GLI3: variants seen among roughly 807,000 people sequenced by gnomAD.
The protein encoded by GLI3 is GLI family zinc finger 3.
Under a neutral mutation model 100.8 loss-of-function variants are expected in GLI3, and 20 were observed. That is an observed-to-expected ratio of 0.20 (90% confidence interval 0.14 to 0.29). The LOEUF is 0.29. Ranked by LOEUF, GLI3 falls within the 10% of genes least tolerant of loss-of-function variation. The pLI is 1.00. For synonymous variants in GLI3, 938 were observed against 860.5 expected (o/e 1.09, Z -1.58); for missense variants, 2,040 against 2,128.5 (o/e 0.96, Z 0.82).
intron 2 of GLI3, among the ~76,000 whole-genome samples, chr7:42,202,792 G>C (rs1335866876): frequency 6.6e-6 from 1 of 152,164 alleles, no homozygotes; most frequent in Admixed American, 6.5e-5. Flanking sequence ...AATGGACGGG[G>C]GTCCCACTGA....
intron 1 of GLI3, among the ~76,000 whole-genome samples, chr7:42,258,134 A>G (rs1289118018): frequency 6.6e-6 from 1 of 152,192 alleles, no homozygotes; most frequent in Non-Finnish European, 1.5e-5. Flanking sequence ...CTCTCCAACT[A>G]GACTGCAAGC....
chr7:42,163,204 C>T (rs185308873), intron 2 of GLI3, among the ~76,000 whole-genome samples: 59 of 152,030 alleles, frequency 3.9e-4, no homozygotes, highest in Non-Finnish European at 3.1e-4. Flanking sequence ...ATACACCTGC[C>T]TTTCTTTGCC....
rs1021079269 is a variant in GLI3, at chr7:41,962,632, T to C, written c.*1698A>G. On this transcript the variant is annotated 3_prime_UTR_variant, in exon 15 of 15. Transcript: ENST00000395925. The stretch of plus-strand genomic sequence containing the variant: ...CAAAGTCCCCAGTGGCAAATCAACC[T>C]CCATGCGGAGATTCTTGGTCCAAAT... 3.9e-5 allele frequency: 6 copies of C among 152,162 alleles called. No homozygotes were observed. Among genetic ancestry groups the C allele is most frequent in the African/African-American group, 1.2e-4 (5 of 41,424 alleles). 9.4% of individuals were successfully genotyped at this position (152,162 alleles called of 1,614,324 possible). A position where few individuals can be genotyped will look rare whatever the true frequency, so the allele number is the denominator to read the frequency against.
chr7:42,050,144 A>G (rs966436180), intron 4 of GLI3, among the ~76,000 whole-genome samples: 3 of 152,088 alleles, frequency 2.0e-5, no homozygotes, highest in Non-Finnish European at 2.9e-5. Context: ...GGATTTTCTC[A>G]CTTTCTCCTT....
At chr7:42,148,149 A>G (rs1786765103) in intron 3 of GLI3, 77 bp downstream of exon 3, 2 of 1,342,440 alleles carry the variant, frequency 1.5e-6, no homozygotes, top group Non-Finnish European at 2.0e-6. Flanking sequence ...ACACACACAC[A>G]CACACACACA....
intron 3 of GLI3, among the ~76,000 whole-genome samples, chr7:42,129,617 T>A (rs1338953571): frequency 6.6e-6 from 1 of 152,088 alleles, no homozygotes; most frequent in Non-Finnish European, 1.5e-5. Flanking sequence ...AAGACCAGCC[T>A]GGCCAAGATG....
chr7:41,964,288 TC>T lies in GLI3; in HGVS notation c.*41del, dbSNP rs753983018. 3.8e-6 allele frequency: 6 copies of T among 1,581,038 alleles called. No homozygotes were observed. The highest frequency in any genetic ancestry group is 5.2e-6 in the Non-Finnish European group (6 of 1,150,626). On this transcript the variant is annotated 3_prime_UTR_variant, in exon 15 of 15. Transcript: ENST00000395925. Reference sequence around the variant, plus strand: ...ACAAAGTCAGTTTAATCTCTTCAACTCCTATTGATTTCCGTTGGTTGCAGTC... The same window carrying T: ...ACAAAGTCAGTTTAATCTCTTCAACTCTATTGATTTCCGTTGGTTGCAGTC...
At chr7:42,181,413 C>T (rs546640135) in intron 2 of GLI3, among the ~76,000 whole-genome samples, 1 of 151,938 alleles carries the variant, frequency 6.6e-6, no homozygotes, top group East Asian at 1.9e-4. Context: ...CCAGCTTGGG[C>T]AACATGATGA....
chr7:41,979,586 G>A (rs1024429302), intron 10 of GLI3, among the ~76,000 whole-genome samples: 1 of 152,192 alleles, frequency 6.6e-6, no homozygotes, highest in Non-Finnish European at 1.5e-5. Flanking sequence ...TGCAGCATGA[G>A]AGGAAGAGAA....
chr7:41,979,299 A>G (rs1453358862), intron 10 of GLI3, among the ~76,000 whole-genome samples: 2 of 152,200 alleles, frequency 1.3e-5, no homozygotes, highest in African/African-American at 2.4e-5. Flanking sequence ...GGTTAATCAG[A>G]CTGCTTCCTG....
chr7:42,211,111 T>C (rs775586013), intron 2 of GLI3, among the ~76,000 whole-genome samples: 1 of 152,172 alleles, frequency 6.6e-6, no homozygotes, highest in Non-Finnish European at 1.5e-5. Context: ...TCTAATTTTG[T>C]ACGAAACTGA....
chr7:42,256,604 A>G (rs187608010), intron 1 of GLI3, among the ~76,000 whole-genome samples: 23 of 152,264 alleles, frequency 1.5e-4, no homozygotes, highest in Non-Finnish European at 2.9e-4. Context: ...ACACAAGGAT[A>G]TATTTCTGGA....
chr7:41,990,267 A>C (rs1787946778), intron 10 of GLI3, among the ~76,000 whole-genome samples: 1 of 152,158 alleles, frequency 6.6e-6, no homozygotes, highest in South Asian at 2.1e-4. Flanking sequence ...AGTATCTAGA[A>C]GTACACAGAA....
At chr7:42,021,471 G>C (rs564646592) in intron 10 of GLI3, among the ~76,000 whole-genome samples, 1 of 152,224 alleles carries the variant, frequency 6.6e-6, no homozygotes, top group Admixed American at 6.5e-5. Flanking sequence ...AAAACATCGA[G>C]ACCATCGGCC....
chr7:42,205,878 T>C (rs1028649876), intron 2 of GLI3, among the ~76,000 whole-genome samples: 1 of 152,156 alleles, frequency 6.6e-6, no homozygotes, highest in East Asian at 1.9e-4. Flanking sequence ...GAGAGTAACC[T>C]TGTGAGAATG....
chr7:42,118,031 C>T lies in GLI3; in HGVS notation c.367+30195G>A, dbSNP rs536069577. Among the ~76,000 whole-genome samples, 5 of 152,282 alleles carry T rather than the reference C, an allele frequency of 3.3e-5. No homozygotes were observed. The South Asian group carries it at 1.0e-3, about 32-fold the overall frequency. On this transcript the variant is annotated intron_variant, in intron 3 of 14. Transcript: ENST00000395925. ...TTGATGGGCCAAAGCTGTCAGAAGG[C>T]CCTCTCAAACACTTAACAGGAAAAG...
intron 10 of GLI3, among the ~76,000 whole-genome samples, chr7:42,007,558 T>C (rs1788492544): frequency 6.6e-6 from 1 of 152,154 alleles, no homozygotes; most frequent in South Asian, 2.1e-4. Context: ...TATTTACCTC[T>C]CAATAAGCTC....
intron 3 of GLI3, among the ~76,000 whole-genome samples, chr7:42,101,753 A>T (rs1785467948): frequency 6.6e-6 from 1 of 150,464 alleles, no homozygotes; most frequent in African/African-American, 2.5e-5. Context: ...AGTTACATAC[A>T]TATACATGTA....
At chr7:42,001,743 A>G (rs574139798) in intron 10 of GLI3, among the ~76,000 whole-genome samples, 2 of 152,180 alleles carry the variant, frequency 1.3e-5, no homozygotes, top group African/African-American at 4.8e-5. Flanking sequence ...AAAAATAAAC[A>G]TATAAAATAA....
Sources: gnomAD v4.1 joint callset for allele counts (sites outside exome capture counted in the v4.1 genomes callset) on GRCh38, gnomAD v4.1.1 for gene constraint, MANE v1.5 for transcripts, NCBI Gene and HGNC (gene_info 2026-07-23, HGNC 2026-07-21) for gene names.